CDH2: variants seen among roughly 807,000 people sequenced by gnomAD.
CDH2 encodes cadherin 2.
CDH2 carries 17 observed loss-of-function variants against 92.0 expected under a neutral mutation model. The observed-to-expected ratio is 0.18, with a 90% CI of 0.13 to 0.28. CDH2 has a LOEUF of 0.28. Ranked by LOEUF, CDH2 falls within the 10% of genes least tolerant of loss-of-function variation. The pLI is 1.00. For missense variants in CDH2, 862 were observed against 1,133.1 expected, an observed-to-expected ratio of 0.76 and a Z score of 3.44; for synonymous variants, 419 against 415.9, an observed-to-expected ratio of 1.01 and a Z score of -0.09.
chr18:27,992,526 C>G (rs1286744555), intron 9 of CDH2, 129 bp downstream of exon 9: 3 of 689,236 alleles, frequency 4.4e-6, no homozygotes, highest in Non-Finnish European at 4.8e-6. Flanking sequence ...AAATATATAT[C>G]AGACCCACAT....
At chr18:27,941,271 G>A (rs578179501) in intron 6 of CDH2, among the ~76,000 whole-genome samples, 5 of 152,116 alleles carry the variant, frequency 3.3e-5, no homozygotes, top group East Asian at 1.9e-4. Flanking sequence ...TCCTGACCTC[G>A]TGATCCGCCC....
At chr18:28,163,254 A>C (rs2144356979) in intron 1 of CDH2, among the ~76,000 whole-genome samples, 1 of 152,308 alleles carries the variant, frequency 6.6e-6, no homozygotes, top group Non-Finnish European at 1.5e-5. Context: ...AATTAGGGGG[A>C]AACTATGCAC....
chr18:27,997,634 T>A (rs1215546922), intron 7 of CDH2, among the ~76,000 whole-genome samples: 1 of 152,130 alleles, frequency 6.6e-6, no homozygotes, highest in South Asian at 2.1e-4. Context: ...AATTAAACGA[T>A]GACCTTGGGA....
At chr18:28,081,488 A>T (rs2014828448) in intron 2 of CDH2, among the ~76,000 whole-genome samples, 1 of 152,242 alleles carries the variant, frequency 6.6e-6, no homozygotes, top group Non-Finnish European at 1.5e-5. Context: ...CAAACAGGCT[A>T]ATTTAAAAGT....
At chr18:27,936,916 A>G (rs1450607988) in intron 6 of CDH2, among the ~76,000 whole-genome samples, 1 of 152,208 alleles carries the variant, frequency 6.6e-6, no homozygotes, top group African/African-American at 2.4e-5. Context: ...GCATTTTGTT[A>G]TGAAAGTAAA....
At chr18:28,078,882 G>A (rs1325317547) in intron 2 of CDH2, among the ~76,000 whole-genome samples, 1 of 151,904 alleles carries the variant, frequency 6.6e-6, no homozygotes, top group Non-Finnish European at 1.5e-5. Context: ...AATCAAATTC[G>A]TGCTAACTTA....
At chr18:28,131,230 A>AT (rs952808767) in intron 2 of CDH2, among the ~76,000 whole-genome samples, 2 of 151,976 alleles carry the variant, frequency 1.3e-5, no homozygotes, top group South Asian at 2.1e-4. Context: ...TATCATCTTG[A>AT]TTTTTTTTCA....
intron 2 of CDH2, among the ~76,000 whole-genome samples, chr18:28,016,418 T>C (rs1330224482): frequency 1.3e-5 from 2 of 152,162 alleles, no homozygotes; most frequent in African/African-American, 4.8e-5. Context: ...CAGCCTACTA[T>C]AGTAACATCT....
chr18:28,007,818 C>G (rs765852086), intron 5 of CDH2, among the ~76,000 whole-genome samples: 14 of 152,110 alleles, frequency 9.2e-5, no homozygotes, highest in Non-Finnish European at 1.6e-4. Flanking sequence ...CAACCTCTGC[C>G]TCCCAGGTTC....
At chr18:28,108,371 G>T (rs1219584492) in intron 2 of CDH2, among the ~76,000 whole-genome samples, 1 of 152,100 alleles carries the variant, frequency 6.6e-6, no homozygotes, top group Non-Finnish European at 1.5e-5. Flanking sequence ...TACAGTCATT[G>T]GTATATCTAG....
intron 13 of CDH2, among the ~76,000 whole-genome samples, chr18:27,983,854 T>C (rs543561034): frequency 6.6e-6 from 1 of 152,358 alleles, no homozygotes; most frequent in Admixed American, 6.5e-5. Context: ...CACATTTCAG[T>C]TGAAATGGAA....
At chr18:27,987,703 A>C (rs1291560993) in intron 11 of CDH2, among the ~76,000 whole-genome samples, 3 of 152,220 alleles carry the variant, frequency 2.0e-5, no homozygotes, top group Non-Finnish European at 4.4e-5. Context: ...CACTGTTTCA[A>C]ATGCTTCATA....
intron 1 of CDH2, among the ~76,000 whole-genome samples, chr18:28,165,712 T>C (rs1568024167): frequency 7.5e-6 from 1 of 132,484 alleles, no homozygotes; most frequent in South Asian, 2.2e-4. Flanking sequence ...CCCCAATCTT[T>C]TTTTTTTTTT....
At chr18:28,137,340 T>C (rs1358237242) in intron 2 of CDH2, among the ~76,000 whole-genome samples, 3 of 152,104 alleles carry the variant, frequency 2.0e-5, no homozygotes, top group Non-Finnish European at 4.4e-5. Flanking sequence ...ATGATTCCAT[T>C]TGGAAAGAAG....
intron 14 of CDH2, among the ~76,000 whole-genome samples, chr18:27,975,006 A>C (rs1399527605): frequency 2.0e-5 from 3 of 152,192 alleles, no homozygotes; most frequent in African/African-American, 7.2e-5. Context: ...AACAAAAAAC[A>C]AAACACCCCA....
At chr18:28,119,793 T>C (rs2015556595) in intron 2 of CDH2, among the ~76,000 whole-genome samples, 1 of 152,112 alleles carries the variant, frequency 6.6e-6, no homozygotes, top group Non-Finnish European at 1.5e-5. Flanking sequence ...AAGAAACCTC[T>C]GACCAATGGG....
chr18:28,090,904 A>C (rs989175632), intron 2 of CDH2, among the ~76,000 whole-genome samples: 3 of 152,208 alleles, frequency 2.0e-5, no homozygotes, highest in Admixed American at 2.0e-4. Context: ...GAACATTGAG[A>C]TAATAGAGAT....
chr18:28,147,639 A>T, intron 2 of CDH2, 34 bp downstream of exon 2: 1 of 1,282,408 alleles, frequency 7.8e-7, no homozygotes, highest in African/African-American at 1.5e-5. Context: ...GAGCATGGAC[A>T]CTGCATGTAC....
chr18:27,981,766 T>C (rs1323127468), intron 14 of CDH2, among the ~76,000 whole-genome samples: 2 of 152,212 alleles, frequency 1.3e-5, no homozygotes, highest in Non-Finnish European at 2.9e-5. Context: ...AGCAGGCTTA[T>C]CAATAATATC....
Sources: gnomAD v4.1 joint callset for allele counts (sites outside exome capture counted in the v4.1 genomes callset) on GRCh38, gnomAD v4.1.1 for gene constraint, MANE v1.5 for transcripts, NCBI Gene and HGNC (gene_info 2026-07-23, HGNC 2026-07-21) for gene names.